The following PDE1C variants were observed in gnomAD, a reference collection of about 807,000 sequenced individuals.
The protein encoded by PDE1C is dual specificity calcium/calmodulin-dependent 3',5'-cyclic nucleotide phosphodiesterase 1C.
A neutral mutation model predicts 93.1 loss-of-function variants in PDE1C; 62 were observed. That is an observed-to-expected ratio of 0.67 (90% CI 0.54 to 0.82). The LOEUF (loss-of-function observed/expected upper bound fraction) is 0.82, where lower values mean the gene tolerates loss of function less well. Among genes scored for constraint, PDE1C ranks in the 40% least tolerant of loss-of-function variants. The pLI is 0.00. For missense variants in PDE1C, 742 were observed against 884.6 expected (o/e 0.84, Z 2.04); for synonymous variants, 325 against 310.1 (o/e 1.05, Z -0.50).
At chr7:32,067,962 T>C (rs1053685354) in intron 1 of PDE1C, among the ~76,000 whole-genome samples, 11 of 151,918 alleles carry the variant, frequency 7.2e-5, no homozygotes, top group African/African-American at 2.7e-4. Flanking sequence ...AGATGAAAAA[T>C]TCAACAATAA....
At chr7:31,774,759 A>G (rs2128628825) in intron 17 of PDE1C, among the ~76,000 whole-genome samples, 1 of 152,344 alleles carries the variant, frequency 6.6e-6, no homozygotes, top group African/African-American at 2.4e-5. Flanking sequence ...AGGAAACAAA[A>G]CTCTACATAA....
intron 3 of PDE1C, among the ~76,000 whole-genome samples, chr7:32,077,627 A>G (rs996095850): frequency 6.6e-6 from 1 of 151,988 alleles, no homozygotes; most frequent in African/African-American, 2.4e-5. Flanking sequence ...GCTGGAGTGC[A>G]GTGGTGTGAT....
At chr7:31,893,881 A>T (rs1407870735) in intron 2 of PDE1C, among the ~76,000 whole-genome samples, 1 of 152,182 alleles carries the variant, frequency 6.6e-6, no homozygotes, top group African/African-American at 2.4e-5. Flanking sequence ...GAACAGCATG[A>T]GCCTCCACTG....
chr7:32,071,943 T>C (rs1796087858), upstream of PDE1C, among the ~76,000 whole-genome samples: 1 of 152,168 alleles, frequency 6.6e-6, no homozygotes, highest in Non-Finnish European at 1.5e-5. Context: ...ACAGTATTTT[T>C]CCTCAATGAC....
chr7:32,139,227 C>T (rs1800378059), intron 3 of PDE1C, among the ~76,000 whole-genome samples: 1 of 151,036 alleles, frequency 6.6e-6, no homozygotes, highest in African/African-American at 2.4e-5. Context: ...CCTTGAACTA[C>T]TGGGCTCAAG....
intron 1 of PDE1C, among the ~76,000 whole-genome samples, chr7:32,402,811 C>T (rs776639093): frequency 1.1e-4 from 17 of 152,036 alleles, no homozygotes; most frequent in Non-Finnish European, 2.2e-4. Flanking sequence ...TTATCAAAAC[C>T]CCCTCCAAGA....
At chr7:31,892,967 G>C (rs543242454) in intron 2 of PDE1C, among the ~76,000 whole-genome samples, 2 of 152,234 alleles carry the variant, frequency 1.3e-5, no homozygotes, top group African/African-American at 4.8e-5. Flanking sequence ...ATGTTAATTA[G>C]ATTGATTTAA....
At chr7:32,281,823 C>T (rs1458931149) in intron 1 of PDE1C, among the ~76,000 whole-genome samples, 1 of 152,110 alleles carries the variant, frequency 6.6e-6, no homozygotes, top group Non-Finnish European at 1.5e-5. Context: ...CACATATACA[C>T]CATGGAATAC....
chr7:32,102,216 G>A (rs115186249), intron 3 of PDE1C, among the ~76,000 whole-genome samples: 16 of 152,206 alleles, frequency 1.1e-4, no homozygotes, highest in South Asian at 4.1e-4. Context: ...TCCTTCTTCC[G>A]TCTTGTTTGT....
intron 1 of PDE1C, among the ~76,000 whole-genome samples, chr7:32,339,794 G>T (rs118185668): frequency 6.6e-6 from 1 of 152,130 alleles, no homozygotes; most frequent in African/African-American, 2.4e-5. Flanking sequence ...TGGGGTCAAG[G>T]TTGGCAGGGC....
intron 16 of PDE1C, among the ~76,000 whole-genome samples, chr7:31,795,248 T>C (rs2128672949): frequency 6.6e-6 from 1 of 152,034 alleles, no homozygotes; most frequent in South Asian, 2.1e-4. Flanking sequence ...AGGTTCCCTT[T>C]ATTTTAAATA....
intron 2 of PDE1C, among the ~76,000 whole-genome samples, chr7:31,916,258 ACTGT>A (rs536472627): frequency 5.9e-5 from 9 of 152,188 alleles, no homozygotes; most frequent in Non-Finnish European, 1.2e-4. Context: ...GAAGATAAAA[ACTGT>A]CTGTTTCATT....
At chr7:32,023,637 G>A (rs1378541147) in intron 2 of PDE1C, among the ~76,000 whole-genome samples, 9 of 101,728 alleles carry the variant, frequency 8.8e-5, no homozygotes, top group East Asian at 5.1e-4. Flanking sequence ...TTTATGCTGC[G>A]TGAGAAAAAA....
At chr7:32,268,327 AC>A (rs1349140905) in intron 1 of PDE1C, among the ~76,000 whole-genome samples, 2 of 151,928 alleles carry the variant, frequency 1.3e-5, no homozygotes, top group East Asian at 3.9e-4. Flanking sequence ...TCGCTTACTG[AC>A]CCCTTGGCTG....
rs1203347536 is a variant in PDE1C at position 31,819,990 on chromosome 7, T to A, written c.1582+3083A>T. ...TAGACATTTAAGAACATAGAAGGTG[T>A]TCCCGCTTCCTGAAAATTTTAGTCA... is the stretch of plus-strand genomic sequence containing the variant. On this transcript the variant is annotated intron_variant, in intron 14 of 17. Coordinates refer to ENST00000396191, the MANE Select transcript of PDE1C (RefSeq NM_001191057.4). 3.3e-5 allele frequency among the ~76,000 whole-genome samples: 5 copies of A among 152,108 alleles called. No individual in the cohort carries two copies. In the East Asian group the frequency reaches 9.7e-4, roughly 29 times the overall value.
At chr7:32,347,615 G>C (rs1009640126) in intron 1 of PDE1C, among the ~76,000 whole-genome samples, 1 of 152,202 alleles carries the variant, frequency 6.6e-6, no homozygotes, top group Non-Finnish European at 1.5e-5. Context: ...CCTCCCTAAA[G>C]TCAGGGATTC....
At chr7:31,721,321 CCTAAAATGA>C in the PDE1C span, among the ~76,000 whole-genome samples, 231 of 152,236 alleles carry the variant, frequency 1.5e-3, no homozygotes, top group Middle Eastern at 3.4e-3. Context: ...AATAGAATTC[CCTAAAATGA>C]CAGAAATGTT....
At chr7:32,231,956 TATACACACACACAC>T (rs1307075056) in intron 1 of PDE1C, among the ~76,000 whole-genome samples, 2,990 of 126,834 alleles carry the variant, frequency 0.024, 111 homozygotes, top group African/African-American at 0.071. Flanking sequence ...TAAATATGTG[TATACACACACACAC>T]ACACACACAC....
chr7:31,821,851 CA>C (rs1303135472), intron 14 of PDE1C, among the ~76,000 whole-genome samples: 2 of 152,096 alleles, frequency 1.3e-5, no homozygotes, highest in East Asian at 3.9e-4. Context: ...GCAGAACCCC[CA>C]GCCCCAACCC....
Sources: gnomAD v4.1 joint callset for allele counts (sites outside exome capture counted in the v4.1 genomes callset) on GRCh38, gnomAD v4.1.1 for gene constraint, MANE v1.5 for transcripts, NCBI Gene and HGNC (gene_info 2026-07-23, HGNC 2026-07-21) for gene names.